Variants in CADPS observed in about 807,000 individuals in gnomAD.
CADPS encodes the protein calcium-dependent secretion activator 1.
Under a neutral mutation model 167.3 loss-of-function variants are expected in CADPS, and 57 were observed. The observed-to-expected ratio is 0.34, with a 90% CI of 0.28 to 0.42. CADPS has a LOEUF of 0.42. CADPS is among the 20% of genes least tolerant of loss of function. The pLI, the probability that CADPS is intolerant of heterozygous loss-of-function variation, is 1.00. For missense variants in CADPS, 1,414 were observed against 1,738.1 expected, an observed-to-expected ratio of 0.81 and a Z score of 3.32; for synonymous variants, 676 against 635.3, an observed-to-expected ratio of 1.06 and a Z score of -0.96.
chr3:62,615,783 C>A (rs1274307470), intron 6 of CADPS, among the ~76,000 whole-genome samples: 1 of 152,050 alleles, frequency 6.6e-6, no homozygotes, highest in African/African-American at 2.4e-5. Flanking sequence ...ATGCATTTGT[C>A]CTAGAGTAAA....
At chr3:62,699,545 A>G (rs1468012954) in intron 3 of CADPS, among the ~76,000 whole-genome samples, 4 of 152,030 alleles carry the variant, frequency 2.6e-5, no homozygotes, top group Admixed American at 6.6e-5. Flanking sequence ...CCCCTGGGTC[A>G]AATCTGGCTG....
rs1199141037 is a variant in CADPS at position 62,493,726 on chromosome 3, C to T, written c.2707-61G>A. On this transcript the variant is annotated intron_variant, in intron 18 of 29. Transcript: ENST00000383710. ...GGACCATTCTGCAAGGTTGGCTTGG[C>T]TGGAAATAGACACCTGCTGTTTCCA... The T allele has an allele frequency of 5.0e-6, 7 of 1,399,272 alleles. No individual in the cohort carries two copies. The African/African-American group carries it at 1.0e-4, about 20-fold the overall frequency. The allele number at this position is 1,399,272 out of a possible 1,614,324, so 86.7% of individuals were successfully genotyped here. A position where few individuals can be genotyped will look rare whatever the true frequency, so the allele number is the denominator to read the frequency against.
chr3:62,769,581 G>A (rs1263111076), intron 1 of CADPS, among the ~76,000 whole-genome samples: 2 of 152,176 alleles, frequency 1.3e-5, no homozygotes, highest in African/African-American at 2.4e-5. Flanking sequence ...GAGAATGCCT[G>A]CCTCTGGGGA....
intron 12 of CADPS, among the ~76,000 whole-genome samples, chr3:62,533,568 T>C (rs2074134569): frequency 6.6e-6 from 1 of 152,074 alleles, no homozygotes; most frequent in South Asian, 2.1e-4. Flanking sequence ...GACAAGAAAA[T>C]GGAAATCCTG....
intron 1 of CADPS, among the ~76,000 whole-genome samples, chr3:62,788,398 C>T (rs563026739): frequency 5.1e-4 from 78 of 152,232 alleles, no homozygotes; most frequent in African/African-American, 1.6e-3. Flanking sequence ...GAGAAAAGCA[C>T]GCACTTCACC....
intron 3 of CADPS, among the ~76,000 whole-genome samples, chr3:62,747,394 T>C (rs149813672): frequency 9.5e-4 from 145 of 152,312 alleles, no homozygotes; most frequent in African/African-American, 3.2e-3. Flanking sequence ...TGTAGTTATA[T>C]GGAGATTAAG....
intron 6 of CADPS, among the ~76,000 whole-genome samples, chr3:62,631,781 A>G (rs2065320049): frequency 6.6e-6 from 1 of 152,204 alleles, no homozygotes. Context: ...TTCCAGGCTC[A>G]TATTTAAAAG....
intron 11 of CADPS, among the ~76,000 whole-genome samples, chr3:62,548,468 T>C (rs1394251161): frequency 6.6e-6 from 1 of 152,224 alleles, no homozygotes; most frequent in Non-Finnish European, 1.5e-5. Context: ...CCATCAGTAC[T>C]GGACAGGAAT....
intron 3 of CADPS, among the ~76,000 whole-genome samples, chr3:62,667,876 G>A (rs2074762849): frequency 6.6e-6 from 1 of 152,026 alleles, no homozygotes; most frequent in African/African-American, 2.4e-5. Flanking sequence ...ACCTGGGAAT[G>A]CCCTGTCTGA....
chr3:62,528,983 A>C (rs1243636841), intron 13 of CADPS, among the ~76,000 whole-genome samples: 1 of 152,048 alleles, frequency 6.6e-6, no homozygotes, highest in Non-Finnish European at 1.5e-5. Flanking sequence ...ACATGGTGAA[A>C]CCCTCTCTCT....
intron 6 of CADPS, among the ~76,000 whole-genome samples, chr3:62,609,044 T>C (rs1420038453): frequency 1.3e-5 from 2 of 152,182 alleles, no homozygotes; most frequent in East Asian, 3.9e-4. Flanking sequence ...ACCAAGACTG[T>C]CTGAAATACC....
chr3:62,491,021 C>T (rs1456054588), intron 21 of CADPS, among the ~76,000 whole-genome samples: 1 of 152,156 alleles, frequency 6.6e-6, no homozygotes, highest in South Asian at 2.1e-4. Context: ...CTAGAGATAA[C>T]ACCATTGGAG....
chr3:62,720,182 A>G (rs2075475725), intron 3 of CADPS, among the ~76,000 whole-genome samples: 1 of 129,366 alleles, frequency 7.7e-6, no homozygotes, highest in Non-Finnish European at 1.9e-5. Flanking sequence ...AAAAGTAACC[A>G]TAGATAGCAA....
chr3:62,721,403 T>TTGAAA (rs2075805248), intron 3 of CADPS, among the ~76,000 whole-genome samples: 1 of 151,760 alleles, frequency 6.6e-6, no homozygotes, highest in African/African-American at 2.4e-5. Flanking sequence ...TGGAGGAGAG[T>TTGAAA]TTGTCCTTGA....
At chr3:62,408,514 A>G (rs1184101322) in intron 28 of CADPS, among the ~76,000 whole-genome samples, 1 of 152,194 alleles carries the variant, frequency 6.6e-6, no homozygotes. Context: ...AAGATGGGTA[A>G]TTAACACCTT....
intron 3 of CADPS, among the ~76,000 whole-genome samples, chr3:62,741,137 T>C (rs2080144444): frequency 6.6e-6 from 1 of 152,296 alleles, no homozygotes; most frequent in African/African-American, 2.4e-5. Flanking sequence ...GATTAATTAA[T>C]GGTAGCTAAT....
At chr3:62,606,309 G>T (rs2060688936) in intron 6 of CADPS, among the ~76,000 whole-genome samples, 1 of 152,176 alleles carries the variant, frequency 6.6e-6, no homozygotes, top group African/African-American at 2.4e-5. Flanking sequence ...ATTGGGTCAT[G>T]AGGACTCTGC....
chr3:62,714,803 C>T (rs1311898602), intron 3 of CADPS, among the ~76,000 whole-genome samples: 1 of 151,766 alleles, frequency 6.6e-6, no homozygotes, highest in African/African-American at 2.4e-5. Context: ...TTTCTGGGGT[C>T]AGTAAAAGTT....
chr3:62,421,846 A>G lies in CADPS; in HGVS notation c.3777+16258T>C, dbSNP rs2051481492. Reference sequence around the variant, plus strand: ...TGTTTGTGCTGGACTGTTAGGCTGCATGTCTCAAGTTATAAAAAGAAAAGC... The same window carrying G: ...TGTTTGTGCTGGACTGTTAGGCTGCGTGTCTCAAGTTATAAAAAGAAAAGC... On this transcript the variant is annotated intron_variant, in intron 28 of 29. Transcript: ENST00000383710. The surrounding 1 kb of genome is among the most constrained non-coding windows in gnomAD (Gnocchi z 4.7). 6.6e-6 allele frequency among the ~76,000 whole-genome samples: 1 copy of G among 152,210 alleles called. No homozygotes were observed. The highest frequency in any genetic ancestry group is 1.5e-5 in the Non-Finnish European group (1 of 68,036).
Sources: allele counts gnomAD v4.1 joint callset (sites outside exome capture counted in the v4.1 genomes callset), GRCh38; gene constraint gnomAD v4.1.1; non-coding constraint Gnocchi (gnomAD v3.1); transcripts MANE v1.5; gene names NCBI Gene and HGNC (gene_info 2026-07-23, HGNC 2026-07-21).